Variants in RBFOX1 observed in about 807,000 individuals in gnomAD.
RBFOX1 encodes RNA binding protein fox-1 homolog 1.
A neutral mutation model predicts 57.7 loss-of-function variants in RBFOX1; 8 were observed. The ratio of observed to expected loss-of-function variants is 0.14; its 90% CI spans 0.08 to 0.25. RBFOX1 has a LOEUF of 0.25. Among genes scored for constraint, RBFOX1 ranks in the 10% least tolerant of loss-of-function variants. The probability of loss-of-function intolerance (pLI) is 1.00; values close to 1 mark genes in which losing one functional copy is unlikely to be tolerated. For missense variants in RBFOX1, 611 were observed against 548.5 expected, an observed-to-expected ratio of 1.11 and a Z score of -1.14; for synonymous variants, 326 against 222.4, an observed-to-expected ratio of 1.47 and a Z score of -4.15.
intron 4 of RBFOX1, among the ~76,000 whole-genome samples, chr16:7,089,959 G>A (rs1443094068): frequency 6.6e-6 from 1 of 152,002 alleles, no homozygotes; most frequent in African/African-American, 2.4e-5. Context: ...CTGGATGCAG[G>A]CTGTTTAAGG....
rs191212494 is a variant in RBFOX1, at chr16:6,932,118, T to C, written c.-15-119939T>C. On this transcript the variant is annotated intron_variant, in intron 3 of 15. Transcript: ENST00000550418. Reference sequence around the variant, plus strand: ...TGTTGTTTTTTGTTGCTGTTTTTGTTTTTTCAGATGGCATCCCATCTGTCA... The same window carrying C: ...TGTTGTTTTTTGTTGCTGTTTTTGTCTTTTCAGATGGCATCCCATCTGTCA... 4.9e-4 allele frequency among the ~76,000 whole-genome samples: 74 copies of C among 152,216 alleles called. 1 individual carries two copies. Among genetic ancestry groups the C allele is most frequent in the Non-Finnish European group, 9.4e-4 (64 of 68,010 alleles).
At chr16:5,421,399 C>A (rs1028924412) in intron 1 of RBFOX1, among the ~76,000 whole-genome samples, 1 of 152,176 alleles carries the variant, frequency 6.6e-6, no homozygotes, top group African/African-American at 2.4e-5. Context: ...AAACCTAATC[C>A]ACTCACCTCT....
intron 2 of RBFOX1, among the ~76,000 whole-genome samples, chr16:6,611,536 A>T (rs2098053817): frequency 6.6e-6 from 1 of 152,170 alleles, no homozygotes; most frequent in Non-Finnish European, 1.5e-5. Context: ...TGGTACTCAT[A>T]CAACTTGACA....
At chr16:6,974,347 T>C (rs1365866731) in intron 3 of RBFOX1, among the ~76,000 whole-genome samples, 19 of 140,298 alleles carry the variant, frequency 1.4e-4, no homozygotes, top group Admixed American at 2.2e-4. Context: ...TTTTTTTTTT[T>C]TTTTTTTTTT....
intron 2 of RBFOX1, among the ~76,000 whole-genome samples, chr16:6,366,760 C>T (rs1322591839): frequency 2.6e-5 from 4 of 152,174 alleles, no homozygotes; most frequent in African/African-American, 2.4e-5. Context: ...AAATGACATG[C>T]TCCAGGTTGC....
intron 3 of RBFOX1, among the ~76,000 whole-genome samples, chr16:5,657,299 G>C (rs1421162747): frequency 1.3e-5 from 2 of 152,154 alleles, no homozygotes; most frequent in Non-Finnish European, 2.9e-5. Context: ...AATAGTTAAT[G>C]TATAAACAAT....
intron 2 of RBFOX1, among the ~76,000 whole-genome samples, chr16:6,336,004 T>C (rs112703775): frequency 0.013 from 1,896 of 149,642 alleles, 32 homozygotes; most frequent in African/African-American, 0.044. Context: ...GAATCAAGCC[T>C]CCATCTTTGA....
At chr16:6,331,675 C>T (rs1487936845) in intron 2 of RBFOX1, among the ~76,000 whole-genome samples, 3 of 151,530 alleles carry the variant, frequency 2.0e-5, no homozygotes, top group African/African-American at 7.3e-5. Flanking sequence ...GCATAAATCT[C>T]AACCATTTGC....
At chr16:6,446,836 C>T (rs928936556) in intron 2 of RBFOX1, among the ~76,000 whole-genome samples, 2 of 152,078 alleles carry the variant, frequency 1.3e-5, no homozygotes, top group Non-Finnish European at 2.9e-5. Flanking sequence ...GATTACATTA[C>T]CTTTGCTTGT....
intron 3 of RBFOX1, among the ~76,000 whole-genome samples, chr16:6,970,694 C>G (rs763568670): frequency 4.6e-5 from 7 of 152,190 alleles, no homozygotes; most frequent in Non-Finnish European, 8.8e-5. Context: ...AATCCTAGCT[C>G]TTAATACTAT....
chr16:7,234,898 G>C (rs2093692838), intron 4 of RBFOX1, among the ~76,000 whole-genome samples: 1 of 152,086 alleles, frequency 6.6e-6, no homozygotes, highest in African/African-American at 2.4e-5. Context: ...ATTATTCACA[G>C]ACATCTCCCA....
chr16:6,347,903 T>G (rs1251522805), intron 2 of RBFOX1, among the ~76,000 whole-genome samples: 1 of 152,200 alleles, frequency 6.6e-6, no homozygotes, highest in African/African-American at 2.4e-5. Context: ...CATTTGCTCA[T>G]GCAGATCATA....
intron 4 of RBFOX1, among the ~76,000 whole-genome samples, chr16:7,311,871 G>A (rs1213133397): frequency 6.6e-6 from 1 of 152,188 alleles, no homozygotes; most frequent in Non-Finnish European, 1.5e-5. Flanking sequence ...TGAGCTGAAG[G>A]CTTAATCCCA....
intron 4 of RBFOX1, among the ~76,000 whole-genome samples, chr16:5,973,088 T>G (rs1259287105): frequency 6.6e-6 from 1 of 152,226 alleles, no homozygotes; most frequent in Non-Finnish European, 1.5e-5. Flanking sequence ...GTCAGCTGAC[T>G]ACCTGCTGTA....
At chr16:6,523,512 C>T (rs1369185662) in intron 2 of RBFOX1, among the ~76,000 whole-genome samples, 1 of 152,202 alleles carries the variant, frequency 6.6e-6, no homozygotes, top group Non-Finnish European at 1.5e-5. Context: ...TACTTGATCA[C>T]TATCACCCTA....
intron 3 of RBFOX1, among the ~76,000 whole-genome samples, chr16:6,963,244 T>A (rs2083393962): frequency 4.6e-5 from 7 of 152,072 alleles, no homozygotes. Flanking sequence ...GCAGCATTTG[T>A]GTTGGCAAAA....
At chr16:7,213,124 G>A (rs947573233) in intron 4 of RBFOX1, among the ~76,000 whole-genome samples, 3 of 152,138 alleles carry the variant, frequency 2.0e-5, no homozygotes, top group Non-Finnish European at 4.4e-5. Flanking sequence ...AGGGACATAG[G>A]TTATCCAGAC....
chr16:7,001,130 T>G (rs984172735), intron 3 of RBFOX1, among the ~76,000 whole-genome samples: 2 of 152,162 alleles, frequency 1.3e-5, no homozygotes, highest in African/African-American at 4.8e-5. Context: ...TTCCTTCATT[T>G]TTTTCCAGTT....
At chr16:6,612,224 C>G (rs922016082) in intron 2 of RBFOX1, among the ~76,000 whole-genome samples, 34 of 152,074 alleles carry the variant, frequency 2.2e-4, no homozygotes, top group Admixed American at 1.2e-3. Context: ...ATAGAGAGTC[C>G]TAGTATACTC....
Sources: gnomAD v4.1 joint callset for allele counts (sites outside exome capture counted in the v4.1 genomes callset) on GRCh38, gnomAD v4.1.1 for gene constraint, MANE v1.5 for transcripts, NCBI Gene and HGNC (gene_info 2026-07-23, HGNC 2026-07-21) for gene names.